The following SLC35E2B variants were observed in gnomAD, a reference collection of about 807,000 sequenced individuals.
SLC35E2B encodes solute carrier family 35 member E2B, also known as solute carrier family 35, member E2B.
In SLC35E2B, 18 loss-of-function variants were observed where a neutral mutation model predicts 32.4. The ratio of observed to expected loss-of-function variants is 0.56; its 90% CI spans 0.38 to 0.82. The LOEUF (loss-of-function observed/expected upper bound fraction) is 0.82. SLC35E2B is among the 40% of genes least tolerant of loss of function. The pLI is 0.00. For synonymous variants in SLC35E2B, 132 were observed against 209.1 expected, an observed-to-expected ratio of 0.63 and a Z score of 3.18; for missense variants, 263 against 469.5, an observed-to-expected ratio of 0.56 and a Z score of 4.06.
At chr1:1,666,408 A>G (rs1238903407) in intron 9 of SLC35E2B, among the ~76,000 whole-genome samples, 1 of 152,132 alleles carries the variant, frequency 6.6e-6, no homozygotes. Flanking sequence ...GCTTCATCCA[A>G]TCGAGGTGGG....
intron 8 of SLC35E2B, among the ~76,000 whole-genome samples, chr1:1,669,407 C>T (rs1041304958): frequency 6.6e-6 from 1 of 151,330 alleles, no homozygotes; most frequent in Admixed American, 6.6e-5. Flanking sequence ...ATTAAGCTAA[C>T]CTAAAAGTCA....
Position 1,671,685 on chromosome 1 carries a change from C to T in SLC35E2B, c.587-56G>A, listed in dbSNP as rs989178361. 695 of 1,430,050 alleles carry T rather than the reference C, an allele frequency of 4.9e-4. 2 individuals carry two copies. The highest frequency in any genetic ancestry group is 5.7e-4 in the Non-Finnish European group (616 of 1,081,036). The allele number at this position is 1,430,050 out of a possible 1,614,324, so 88.6% of individuals were successfully genotyped here. ...GACCCGCCGGGCGGACGCTCCCTCC[C>T]GAGGGCCAGGCTGTTTCCATCCCCT... is the stretch of plus-strand genomic sequence containing the variant. On this transcript the variant is annotated intron_variant, in intron 5 of 9. Transcript: ENST00000617444.
chr1:1,683,884 A>G (rs1643921514), intron 2 of SLC35E2B, among the ~76,000 whole-genome samples: 1 of 152,174 alleles, frequency 6.6e-6, no homozygotes, highest in Admixed American at 6.5e-5. Flanking sequence ...TCAGAGCACA[A>G]GTGCAAAACA....
intron 2 of SLC35E2B, among the ~76,000 whole-genome samples, chr1:1,689,128 C>A (rs1325982892): frequency 1.3e-5 from 2 of 151,960 alleles, no homozygotes; most frequent in Non-Finnish European, 2.9e-5. Context: ...GCTGAGATTG[C>A]ACCACTACAC....
intron 2 of SLC35E2B, among the ~76,000 whole-genome samples, chr1:1,690,004 G>T (rs1406176800): frequency 2.1e-5 from 3 of 145,222 alleles, no homozygotes; most frequent in African/African-American, 7.6e-5. Context: ...AAAAAAAAAG[G>T]CCAGACTTGG....
chr1:1,689,986 CAAAA>C (rs763440072), intron 2 of SLC35E2B, among the ~76,000 whole-genome samples: 3 of 84,654 alleles, frequency 3.5e-5, no homozygotes, highest in African/African-American at 4.5e-5. Flanking sequence ...GACCCTGTCT[CAAAA>C]AAAAAAAAAA....
In SLC35E2B at chr1:1,671,618, T is replaced by G. The variant is rs1189984786; in HGVS notation, c.598A>C (p.Asn200His). 6 of 1,544,712 alleles carry G rather than the reference T, an allele frequency of 3.9e-6. No homozygotes were observed. Among genetic ancestry groups the G allele is most frequent in the Non-Finnish European group, 5.2e-6 (6 of 1,143,940 alleles). Residue 200 changes from asparagine (N) to histidine (H), a missense_variant, in exon 6 of 10, where the codon AAC becomes CAC. By Grantham distance (68) the Asn-to-His change is moderately conservative. Coordinates refer to ENST00000617444, the MANE Select transcript of SLC35E2B (RefSeq NM_001290264.2). ...ILGEYTGLLVNLSLIPVMGGL... is the reference protein window; with the variant it reads ...ILGEYTGLLVHLSLIPVMGGL... ...CCCATGACTGGGATGAGGGAGAGGT[T>G]GACCAGCAGCCCTGGCGAGAGGACA...
intron 5 of SLC35E2B, chr1:1,674,508 C>A (rs1643789156): frequency 1.3e-5 from 2 of 151,708 alleles, no homozygotes; most frequent in Admixed American, 6.6e-5. Context: ...TCCCAGCTAC[C>A]CAACAGGCTG....
chr1:1,684,625 A>C (rs1643929257), intron 2 of SLC35E2B, among the ~76,000 whole-genome samples: 1 of 151,882 alleles, frequency 6.6e-6, no homozygotes, highest in Admixed American at 6.6e-5. Context: ...CCCCGTCTCC[A>C]CTAAAAATAC....
At chr1:1,669,936 A>C in intron 7 of SLC35E2B, 162 bp downstream of exon 7, 1 of 851,386 alleles carries the variant, frequency 1.2e-6, no homozygotes. Flanking sequence ...GGAGTAGCTG[A>C]GAAACGGGCG....
rs1223865144 is a variant in SLC35E2B, at chr1:1,669,705, C to T, written c.793G>A (p.Ala265Thr). 2.0e-5 allele frequency: 31 copies of T among 1,538,326 alleles called. No homozygotes were observed. Among genetic ancestry groups the T allele is most frequent in the African/African-American group, 4.1e-5 (3 of 72,794 alleles). Residue 265 changes from alanine (A) to threonine (T), a missense_variant, in exon 8 of 10, where the codon GCT (alanine) becomes ACT (threonine). Ala to Thr is a moderately conservative substitution (Grantham distance 58). Coordinates refer to ENST00000617444, the MANE Select transcript of SLC35E2B (RefSeq NM_001290264.2). ...GCCGGGACGAGCATGGCCACCGCAG[C>T]GGCGCTGGTGTAGAACTGCAGCTCC... ...APELQFYTSA[A>T]AVAMLVPARV...
At chr1:1,666,369 C>T (rs970594566) in intron 9 of SLC35E2B, among the ~76,000 whole-genome samples, 11 of 152,120 alleles carry the variant, frequency 7.2e-5, no homozygotes, top group East Asian at 1.9e-4. Context: ...GTGATCTAGA[C>T]GCAGGAATTC....
At chr1:1,678,218 T>TG (rs1643870334) in intron 2 of SLC35E2B, among the ~76,000 whole-genome samples, 2 of 152,120 alleles carry the variant, frequency 1.3e-5, no homozygotes, top group Non-Finnish European at 2.9e-5. Flanking sequence ...TTTATGCACT[T>TG]GCGTGCGTGC....
intron 9 of SLC35E2B, among the ~76,000 whole-genome samples, 170 bp from the exon 10 acceptor site, chr1:1,666,189 C>T (rs990692564): frequency 1.3e-5 from 2 of 151,936 alleles, no homozygotes; most frequent in African/African-American, 4.8e-5. Flanking sequence ...GGTCTGGAGG[C>T]CAGGATGGGG....
chr1:1,676,874 C>CACAAAACAAA, intron 2 of SLC35E2B, 28 bp from the exon 3 acceptor site: 1 of 1,421,130 alleles, frequency 7.0e-7, no homozygotes, highest in African/African-American at 1.4e-5. Context: ...GGAAACACAT[C>CACAAAACAAA]ACCCGTTTTG....
At chr1:1,686,270 G>A (rs1310774906) in intron 2 of SLC35E2B, among the ~76,000 whole-genome samples, 1 of 150,878 alleles carries the variant, frequency 6.6e-6, no homozygotes. Flanking sequence ...CCAAAGTGCT[G>A]GGATTTACAG....
rs552969294 is a variant in SLC35E2B at position 1,677,949 on chromosome 1, C to T, written c.-147-1103G>A. ...CTTTGCACAGACGCCACTGTGACTC[C>T]GCAGCACCGAGACCCCACCTCCCCC... On this transcript the variant is annotated intron_variant, in intron 2 of 9. Coordinates refer to ENST00000617444, the MANE Select transcript of SLC35E2B (RefSeq NM_001290264.2). Among the ~76,000 whole-genome samples, 10 of 151,944 alleles carry T rather than the reference C, an allele frequency of 6.6e-5. No individual in the cohort carries two copies. In the South Asian group the frequency reaches 8.4e-4, roughly 13 times the overall value.
At chr1:1,667,269 C>A (rs192490863) in intron 9 of SLC35E2B, among the ~76,000 whole-genome samples, 1 of 151,804 alleles carries the variant, frequency 6.6e-6, no homozygotes, top group African/African-American at 2.4e-5. Flanking sequence ...AAAAATTAGC[C>A]GGGCGTGGTG....
intron 9 of SLC35E2B, among the ~76,000 whole-genome samples, chr1:1,666,834 C>G (rs1191317791): frequency 1.3e-5 from 2 of 151,242 alleles, no homozygotes; most frequent in Non-Finnish European, 3.0e-5. Flanking sequence ...GGCCGGGCGC[C>G]GTGGCTCACG....
Sources: gnomAD v4.1 joint callset for allele counts (sites outside exome capture counted in the v4.1 genomes callset) on GRCh38, gnomAD v4.1.1 for gene constraint, MANE v1.5 for transcripts, NCBI Gene and HGNC (gene_info 2026-07-23, HGNC 2026-07-21) for gene names.